HPSE2: variants seen among roughly 807,000 people sequenced by gnomAD.
HPSE2 encodes the protein heparanase 2 (inactive).
Under a neutral mutation model 60.5 loss-of-function variants are expected in HPSE2, and 38 were observed. The observed-to-expected ratio is 0.63, with a 90% CI of 0.48 to 0.82. HPSE2 has a LOEUF of 0.82. Among genes scored for constraint, HPSE2 ranks in the 40% least tolerant of loss-of-function variants. HPSE2 has a pLI of 0.00. For synonymous variants in HPSE2, 295 were observed against 293.2 expected, an observed-to-expected ratio of 1.01 and a Z score of -0.06; for missense variants, 713 against 740.4, an observed-to-expected ratio of 0.96 and a Z score of 0.43.
intron 3 of HPSE2, among the ~76,000 whole-genome samples, chr10:98,769,555 T>C (rs926109589): frequency 2.6e-5 from 4 of 152,170 alleles, no homozygotes; most frequent in Admixed American, 2.6e-4. Flanking sequence ...AGGACAGACC[T>C]GGCTGTCCCA....
At chr10:99,305,979 G>GCGCGCGCGCGCGCGCGCACACACACA in the HPSE2 span, among the ~76,000 whole-genome samples, 7 of 80,570 alleles carry the variant, frequency 8.7e-5, no homozygotes, top group African/African-American at 1.1e-4. Context: ...GCGCGCGCGC[G>GCGCGCGCGCGCGCGCGCACACACACA]CACACACACA....
At chr10:98,615,450 A>G (rs999911082) in intron 8 of HPSE2, among the ~76,000 whole-genome samples, 2 of 152,156 alleles carry the variant, frequency 1.3e-5, no homozygotes, top group African/African-American at 4.8e-5. Context: ...CTGAATATGT[A>G]CCTTTAACAG....
chr10:99,050,471 A>C (rs1957966131), intron 3 of HPSE2, among the ~76,000 whole-genome samples: 1 of 152,200 alleles, frequency 6.6e-6, no homozygotes, highest in Non-Finnish European at 1.5e-5. Flanking sequence ...ATGATCCAAC[A>C]ATCCTATTTC....
At chr10:98,552,046 C>T (rs1426187561) in intron 9 of HPSE2, among the ~76,000 whole-genome samples, 1 of 152,116 alleles carries the variant, frequency 6.6e-6, no homozygotes, top group Non-Finnish European at 1.5e-5. Flanking sequence ...AAGAAACTGA[C>T]AGACATAGTG....
intron 9 of HPSE2, among the ~76,000 whole-genome samples, chr10:98,498,015 C>G (rs141464791): frequency 1.3e-5 from 2 of 152,194 alleles, no homozygotes; most frequent in Non-Finnish European, 2.9e-5. Context: ...ACTTTTGATC[C>G]GAAAGACAAA....
chr10:98,759,278 A>G (rs1324430188), intron 3 of HPSE2, among the ~76,000 whole-genome samples: 1 of 152,062 alleles, frequency 6.6e-6, no homozygotes, highest in African/African-American at 2.4e-5. Flanking sequence ...TATGCCAAAT[A>G]CTCATGACAC....
chr10:99,181,704 G>A (rs1847785285), intron 2 of HPSE2, among the ~76,000 whole-genome samples: 1 of 152,086 alleles, frequency 6.6e-6, no homozygotes, highest in Admixed American at 6.6e-5. Flanking sequence ...CACAGGGAGG[G>A]GAACATCACA....
chr10:98,980,669 T>C (rs1956185270), intron 3 of HPSE2, among the ~76,000 whole-genome samples: 1 of 152,196 alleles, frequency 6.6e-6, no homozygotes, highest in Admixed American at 6.5e-5. Flanking sequence ...ACTCCTAAGT[T>C]AGGTTTACAG....
At chr10:98,462,493 T>C (rs1367914280) in intron 11 of HPSE2, among the ~76,000 whole-genome samples, 1 of 152,176 alleles carries the variant, frequency 6.6e-6, no homozygotes, top group Non-Finnish European at 1.5e-5. Flanking sequence ...GTTGCTATTG[T>C]TTTTAATGTC....
chr10:98,865,304 G>C (rs998803399), intron 3 of HPSE2, among the ~76,000 whole-genome samples: 3 of 151,952 alleles, frequency 2.0e-5, no homozygotes, highest in African/African-American at 7.2e-5. Flanking sequence ...GTAGTTTAAA[G>C]AAAAAAGATA....
Position 99,064,458 on chromosome 10 carries a change from A to C in HPSE2, c.610+79780T>G, listed in dbSNP as rs1589599058. Among the ~76,000 whole-genome samples the C allele has an allele frequency of 2.6e-5, 4 of 152,222 alleles. No individual in the cohort carries two copies. In the East Asian group the frequency reaches 7.7e-4, roughly 29 times the overall value. ...GAAACCTCTTGATAGGGATTTTGGA[A>C]GCAAACTAATAAAAGACTTGGCGCA... On this transcript the variant is annotated intron_variant, in intron 3 of 11. Coordinates refer to ENST00000370552, the MANE Select transcript of HPSE2 (RefSeq NM_021828.5).
At chr10:98,834,046 T>C (rs934309333) in intron 3 of HPSE2, among the ~76,000 whole-genome samples, 1 of 152,144 alleles carries the variant, frequency 6.6e-6, no homozygotes, top group African/African-American at 2.4e-5. Context: ...ACTGTCATTT[T>C]ACATATCACT....
intron 11 of HPSE2, among the ~76,000 whole-genome samples, chr10:98,478,258 G>C (rs917254966): frequency 6.6e-6 from 1 of 152,156 alleles, no homozygotes; most frequent in Non-Finnish European, 1.5e-5. Flanking sequence ...GGGACCCACA[G>C]CTGGATTTTT....
intron 3 of HPSE2, among the ~76,000 whole-genome samples, chr10:98,986,447 G>C (rs1956353811): frequency 6.6e-6 from 1 of 150,926 alleles, no homozygotes; most frequent in Non-Finnish European, 1.5e-5. Flanking sequence ...AAACCAACGA[G>C]AACAAAGACA....
At chr10:98,779,510 T>C (rs1950418383) in intron 3 of HPSE2, among the ~76,000 whole-genome samples, 1 of 152,146 alleles carries the variant, frequency 6.6e-6, no homozygotes, top group South Asian at 2.1e-4. Context: ...CAAATAGTGA[T>C]ACCAGAAAAA....
chr10:99,108,030 A>G (rs920248691), intron 3 of HPSE2, among the ~76,000 whole-genome samples: 1 of 152,232 alleles, frequency 6.6e-6, no homozygotes, highest in Non-Finnish European at 1.5e-5. Flanking sequence ...CCTAACTCCT[A>G]TAAATTAAAC....
chr10:99,096,723 C>T (rs1160872191), intron 3 of HPSE2, among the ~76,000 whole-genome samples: 2 of 151,474 alleles, frequency 1.3e-5, no homozygotes, highest in Admixed American at 6.6e-5. Context: ...TTTCCCACAG[C>T]GGGGGAAAAG....
chr10:99,262,814 C>T, the HPSE2 span, among the ~76,000 whole-genome samples: 2 of 152,148 alleles, frequency 1.3e-5, no homozygotes, highest in Non-Finnish European at 2.9e-5. Context: ...CCCTCCACAA[C>T]CCATTATGCT....
chr10:99,120,197 C>T lies in HPSE2; in HGVS notation c.610+24041G>A, dbSNP rs552259771. Among the ~76,000 whole-genome samples, 6 of 151,940 alleles carry T rather than the reference C, an allele frequency of 3.9e-5. No individual in the cohort carries two copies. In the East Asian group the frequency reaches 9.7e-4, roughly 25 times the overall value. On this transcript the variant is annotated intron_variant, in intron 3 of 11. Transcript: ENST00000370552. ...AGAAAATATTTGCAAACTATGCATC[C>T]GACAAAGGTTTAATATCCAGCATCT...
Sources: allele counts gnomAD v4.1 joint callset (sites outside exome capture counted in the v4.1 genomes callset), GRCh38; gene constraint gnomAD v4.1.1; transcripts MANE v1.5; gene names NCBI Gene and HGNC (gene_info 2026-07-23, HGNC 2026-07-21).